The following HEPN1 variants were observed in gnomAD, a reference collection of about 807,000 sequenced individuals.
The protein encoded by HEPN1 is protein HEPN1.
For missense variants in HEPN1, 97 were observed against 103.3 expected, an observed-to-expected ratio of 0.94 and a Z score of 0.26; for synonymous variants, 46 against 41.2, an observed-to-expected ratio of 1.12 and a Z score of -0.45.
In HEPN1 at chr11:124,919,720, CTG is replaced by C; in HGVS notation, c.-30_-29del. On this transcript the variant is annotated 5_prime_UTR_variant, in exon 1 of 1. The change creates a premature stop within an existing upstream ORF in the 5' untranslated region. Transcript: ENST00000408930. ...ACTAGAAATGTCAGTGCCTTTGGGGCTGAGACAAAACTTGACCTGGTGTGGAG... is the reference window on the plus strand; with the variant it reads ...ACTAGAAATGTCAGTGCCTTTGGGGCAGACAAAACTTGACCTGGTGTGGAG... The C allele has an allele frequency of 1.9e-6, 3 of 1,608,480 alleles. No homozygotes were observed.
chr11:124,920,597 A>G (rs1449177683), exon 1 of HEPN1: 16 of 1,105,380 alleles, frequency 1.4e-5, no homozygotes, highest in African/African-American at 1.7e-5. Flanking sequence ...GCCCCTGCAC[A>G]CCCAGTAACC....
At position 124,919,666 on chromosome 11, in the gene HEPN1, T is replaced by C; in HGVS notation, c.-85T>C. ...GAGGGACAGGGAGCTGAGACAGGCATGCTGTGGGGTTCAGGGCAGAGGGGG... is the reference window on the plus strand; with the variant it reads ...GAGGGACAGGGAGCTGAGACAGGCACGCTGTGGGGTTCAGGGCAGAGGGGG... On this transcript the variant is annotated 5_prime_UTR_variant, in exon 1 of 1. An upstream start codon of the reference 5' UTR is lost. Transcript: ENST00000408930. 1 of 1,463,762 alleles carries C rather than the reference T, an allele frequency of 6.8e-7. No homozygotes were observed. Among genetic ancestry groups the C allele is most frequent in the Non-Finnish European group, 9.3e-7 (1 of 1,073,024 alleles). 90.7% of individuals were successfully genotyped at this position (1,463,762 alleles called of 1,614,324 possible). A position where few individuals can be genotyped will look rare whatever the true frequency, so the allele number is the denominator to read the frequency against.
At chr11:124,920,007 T>C in exon 1 of HEPN1, 2 of 1,612,654 alleles carry the variant, frequency 1.2e-6, no homozygotes, top group Non-Finnish European at 1.7e-6. Context: ...TTTATTTTGA[T>C]GTTAGTGTGA....
chr11:124,919,951 T>C (rs1325424043), exon 1 of HEPN1: 13 of 1,613,756 alleles, frequency 8.1e-6, no homozygotes, highest in African/African-American at 1.3e-5. Flanking sequence ...AACTGTTCAA[T>C]AGGCGGTGGC....
exon 1 of HEPN1, chr11:124,920,232 G>T: frequency 1.1e-6 from 1 of 880,012 alleles, no homozygotes; most frequent in Non-Finnish European, 1.7e-6. Context: ...TGTTTGAAAG[G>T]CTTGTTTTGT....
chr11:124,919,612 A>C, exon 1 of HEPN1: 1 of 948,426 alleles, frequency 1.1e-6, no homozygotes, highest in Non-Finnish European at 1.6e-6. Flanking sequence ...GCGAAGGCAC[A>C]CCTGCTCAAA....
exon 1 of HEPN1, chr11:124,919,653 G>A: frequency 2.2e-6 from 3 of 1,382,364 alleles, no homozygotes; most frequent in Non-Finnish European, 3.0e-6. Context: ...GGGACAGGGA[G>A]CTGAGACAGG....
chr11:124,919,760 T>G (rs375152348), exon 1 of HEPN1: 1 of 1,613,774 alleles, frequency 6.2e-7, no homozygotes, highest in Admixed American at 1.7e-5. Flanking sequence ...GATGGGTAAC[T>G]GGGGCCTTGG....
Position 124,919,640 on chromosome 11 carries a change from C to T in HEPN1, c.-111C>T, listed in dbSNP as rs899126537. 2.5e-5 allele frequency: 32 copies of T among 1,273,194 alleles called. No homozygotes were observed. Among genetic ancestry groups the T allele is most frequent in the East Asian group, 9.3e-5 (4 of 42,860 alleles). The allele number at this position is 1,273,194 out of a possible 1,614,324, so 78.9% of individuals were successfully genotyped here. A position where few individuals can be genotyped will look rare whatever the true frequency, so the allele number is the denominator to read the frequency against. Reference sequence around the variant, plus strand: ...TGCTCAAATGAGCCTGGGGAAGTGCCGAGGGACAGGGAGCTGAGACAGGCA... The same window carrying T: ...TGCTCAAATGAGCCTGGGGAAGTGCTGAGGGACAGGGAGCTGAGACAGGCA... On this transcript the variant is annotated 5_prime_UTR_variant, in exon 1 of 1. An upstream open reading frame in the 5' UTR gains an earlier in-frame stop. Transcript: ENST00000408930.
rs373332085 is a variant in HEPN1 at position 124,920,449 on chromosome 11, G to A, written c.*432G>A. On this transcript the variant is annotated 3_prime_UTR_variant, in exon 1 of 1. Transcript: ENST00000408930. ...GGGAGGAGGCCAAGCTGGCAGGCTCGGGTTCTTTGCCCTTGCTAGCGCCCA... is the reference window on the plus strand; with the variant it reads ...GGGAGGAGGCCAAGCTGGCAGGCTCAGGTTCTTTGCCCTTGCTAGCGCCCA... 50 of 1,545,878 alleles carry A rather than the reference G, an allele frequency of 3.2e-5. No homozygotes were observed. The African/African-American group carries it at 4.1e-4, about 13-fold the overall frequency.
exon 1 of HEPN1, chr11:124,920,059 T>C (rs376399964): frequency 2.3e-5 from 36 of 1,593,634 alleles, no homozygotes; most frequent in Non-Finnish European, 3.0e-5. Context: ...GACCTGAGCA[T>C]GTGGGAGCAG....
At chr11:124,919,602 G>T in exon 1 of HEPN1, 3 of 839,552 alleles carry the variant, frequency 3.6e-6, no homozygotes, top group Non-Finnish European at 5.5e-6. Flanking sequence ...TAGGGGAGCT[G>T]CGAAGGCACA....
At chr11:124,920,677 G>GAAAAAAAAAA (rs1565336612), downstream of HEPN1, 14 of 108,158 alleles carry the variant, frequency 1.3e-4, no homozygotes, top group African/African-American at 2.3e-3. Flanking sequence ...ATCTGAACTT[G>GAAAAAAAAAA]CAAAAAAAAA....
In HEPN1 at chr11:124,919,713, T is replaced by C. The variant is rs777178940; in HGVS notation, c.-38T>C. On this transcript the variant is annotated 5_prime_UTR_variant, in exon 1 of 1. Transcript: ENST00000408930. ...GGGGCAAACTAGAAATGTCAGTGCC[T>C]TTGGGGCTGAGACAAAACTTGACCT... is the stretch of plus-strand genomic sequence containing the variant. The C allele has an allele frequency of 1.4e-5, 22 of 1,606,712 alleles. No individual in the cohort carries two copies. In the South Asian group the frequency reaches 2.1e-4, roughly 15 times the overall value.
chr11:124,919,833 C>G, exon 1 of HEPN1: 8 of 1,614,096 alleles, frequency 5.0e-6, no homozygotes, highest in Non-Finnish European at 6.8e-6. Context: ...ATGCAAGGAC[C>G]CTTGGAGGCA....
chr11:124,919,926 A>G, exon 1 of HEPN1: 2 of 1,614,074 alleles, frequency 1.2e-6, no homozygotes, highest in Non-Finnish European at 1.7e-6. Flanking sequence ...ACAGTAGATT[A>G]CTGCCACTCC....
exon 1 of HEPN1, chr11:124,919,986 G>C: frequency 6.2e-7 from 1 of 1,613,312 alleles, no homozygotes; most frequent in South Asian, 1.1e-5. Context: ...GCTACACAGC[G>C]GCCCAGCCTC....
chr11:124,920,465 C>CTA, exon 1 of HEPN1: 1 of 1,541,956 alleles, frequency 6.5e-7, no homozygotes, highest in Non-Finnish European at 8.8e-7. Flanking sequence ...TTTGCCCTTG[C>CTA]TAGCGCCCAG....
Position 124,919,763 on chromosome 11 carries a change from G to C in HEPN1, c.13G>C (p.Gly5Arg), listed in dbSNP as rs201002336. ...TGGTGTGGAGGTGATGGGTAACTGG[G>C]GCCTTGGAATTGCTCCATGGGTTGA... The change falls in exon 1 of 1, where the codon GGC becomes CGC. Residue 5 changes from glycine (G) to arginine (R), a missense_variant. Coordinates refer to ENST00000408930, the Ensembl canonical transcript of HEPN1. 5.6e-6 allele frequency: 9 copies of C among 1,613,894 alleles called. No homozygotes were observed. In the African/African-American group the frequency reaches 8.0e-5, roughly 14 times the overall value.
Sources: gnomAD v4.1 joint callset for allele counts on GRCh38, gnomAD v4.1.1 for gene constraint, MANE v1.5 for transcripts, NCBI Gene and HGNC (gene_info 2026-07-23, HGNC 2026-07-21) for gene names.